PARD3B: variants seen among roughly 807,000 people sequenced by gnomAD.
The protein encoded by PARD3B is par-3 family cell polarity regulator beta, also known as partitioning defective 3 homolog B.
Under a neutral mutation model 130.2 loss-of-function variants are expected in PARD3B, and 103 were observed. That is an observed-to-expected ratio of 0.79 (90% CI 0.67 to 0.93). PARD3B has a LOEUF of 0.93. PARD3B is among the 40% of genes least tolerant of loss of function. PARD3B has a pLI of 0.00. For synonymous variants in PARD3B, 583 were observed against 553.2 expected (o/e 1.05, Z -0.76); for missense variants, 1,609 against 1,499.2 (o/e 1.07, Z -1.21).
At chr2:205,500,082 T>C (rs763245547) in intron 21 of PARD3B, 51 bp downstream of exon 21, 29 of 1,592,622 alleles carry the variant, frequency 1.8e-5, no homozygotes, top group Non-Finnish European at 2.5e-5. Context: ...CTAAGAATGT[T>C]TAGAGCAGAA....
intron 18 of PARD3B, among the ~76,000 whole-genome samples, chr2:205,305,191 A>G (rs1467133293): frequency 1.3e-5 from 2 of 152,174 alleles, no homozygotes; most frequent in African/African-American, 2.4e-5. Context: ...GAGGGACTTT[A>G]TCATTCCAGC....
Position 205,440,030 on chromosome 2 carries a change from G to A in PARD3B, c.2742-340G>A, listed in dbSNP as rs931152048. Reference sequence around the variant, plus strand: ...TCCCAAGAAAGGCTTCTATAATATCGAACCAAAGATGCACTGTTCCCACAA... The same window carrying A: ...TCCCAAGAAAGGCTTCTATAATATCAAACCAAAGATGCACTGTTCCCACAA... On this transcript the variant is annotated intron_variant, in intron 19 of 22. Coordinates refer to ENST00000406610, the MANE Select transcript of PARD3B (RefSeq NM_001302769.2). The surrounding 1 kb of genome is among the most constrained non-coding windows in gnomAD (Gnocchi z 4.2). 5.9e-5 allele frequency among the ~76,000 whole-genome samples: 9 copies of A among 152,020 alleles called. No homozygotes were observed. The South Asian group carries it at 8.3e-4, about 14-fold the overall frequency.
At chr2:204,811,822 A>T (rs531024895) in intron 2 of PARD3B, among the ~76,000 whole-genome samples, 1 of 152,290 alleles carries the variant, frequency 6.6e-6, no homozygotes, top group East Asian at 1.9e-4. Context: ...TAAAAAACAA[A>T]AAACAAAAAA....
At chr2:205,571,415 G>C (rs2053556818) in intron 22 of PARD3B, among the ~76,000 whole-genome samples, 1 of 152,202 alleles carries the variant, frequency 6.6e-6, no homozygotes, top group South Asian at 2.1e-4. Context: ...AATGCTGAAA[G>C]GCATTCTTAC....
chr2:205,098,037 A>G (rs979572859), intron 4 of PARD3B, among the ~76,000 whole-genome samples: 2 of 152,182 alleles, frequency 1.3e-5, no homozygotes, highest in African/African-American at 2.4e-5. Context: ...TGCTTATCAA[A>G]TACAGTTTGT....
intron 2 of PARD3B, among the ~76,000 whole-genome samples, chr2:204,925,942 C>G (rs1355912257): frequency 6.6e-6 from 1 of 152,084 alleles, no homozygotes; most frequent in Non-Finnish European, 1.5e-5. Context: ...TTCTTTCCTG[C>G]CTCCATATTC....
At position 205,158,764 on chromosome 2, in the gene PARD3B, G is replaced by A. The variant is rs758977626; in HGVS notation, c.1477G>A (p.Glu493Lys). The change falls in exon 11 of 23, where the codon GAG becomes AAG. Residue 493 changes from glutamate to lysine, a missense_variant. Glu to Lys is a moderately conservative substitution (Grantham distance 56). Coordinates refer to ENST00000406610, the MANE Select transcript of PARD3B (RefSeq NM_001302769.2). This position sits in a 1 kb window ranked among gnomAD's most constrained non-coding sequence, Gnocchi z 5.4. ...DCCALSLETS[E>K]QLTFEIPLND... is the part of the protein sequence containing the mutation. ...CTGTGCACTCTCTCTGGAGACAAGC[G>A]AGCAGCTCACCTTTGAGATCCCCCT... 4.3e-6 allele frequency: 7 copies of A among 1,614,012 alleles called. No individual in the cohort carries two copies. The highest frequency in any genetic ancestry group is 2.2e-5 in the East Asian group (1 of 44,896).
intron 2 of PARD3B, among the ~76,000 whole-genome samples, chr2:204,729,534 G>C (rs936474216): frequency 6.6e-6 from 1 of 152,106 alleles, no homozygotes; most frequent in Non-Finnish European, 1.5e-5. Context: ...CTTGAAATGT[G>C]ATACCGAGCA....
chr2:204,754,324 T>A (rs1465789859), intron 2 of PARD3B, among the ~76,000 whole-genome samples: 1 of 152,074 alleles, frequency 6.6e-6, no homozygotes, highest in Non-Finnish European at 1.5e-5. Flanking sequence ...TGTGTAATCA[T>A]GAATAATTAT....
intron 2 of PARD3B, among the ~76,000 whole-genome samples, chr2:204,833,075 G>A (rs981659816): frequency 1.2e-4 from 19 of 152,144 alleles, no homozygotes; most frequent in African/African-American, 4.1e-4. Flanking sequence ...ACTCTAGCTC[G>A]TTACCTAACA....
At chr2:205,185,528 T>A (rs2036046624) in intron 13 of PARD3B, among the ~76,000 whole-genome samples, 2 of 152,146 alleles carry the variant, frequency 1.3e-5, no homozygotes, top group African/African-American at 4.8e-5. Flanking sequence ...TGGAGTGGGT[T>A]TGCTAGGGGT....
intron 21 of PARD3B, among the ~76,000 whole-genome samples, chr2:205,501,661 T>C (rs1394800060): frequency 6.6e-6 from 1 of 152,218 alleles, no homozygotes; most frequent in Admixed American, 6.5e-5. Flanking sequence ...TGAATTCCTA[T>C]GAGCAAAATA....
intron 1 of PARD3B, among the ~76,000 whole-genome samples, chr2:204,577,190 G>T (rs1452454865): frequency 3.9e-4 from 60 of 152,082 alleles, no homozygotes; most frequent in Admixed American, 6.5e-5. Context: ...CATACTACAT[G>T]GCAGATGAGG....
intron 1 of PARD3B, among the ~76,000 whole-genome samples, chr2:204,640,959 G>C (rs2035056534): frequency 6.8e-6 from 1 of 146,960 alleles, no homozygotes; most frequent in African/African-American, 2.5e-5. Context: ...TATATTTACT[G>C]TATATATAAT....
intron 2 of PARD3B, among the ~76,000 whole-genome samples, chr2:204,852,173 T>TG (rs111941971): frequency 0.12 from 18,631 of 150,046 alleles, 1,580 homozygotes; most frequent in African/African-American, 0.23. Context: ...TGCCACAAGT[T>TG]TTTTTTTTTT....
intron 2 of PARD3B, among the ~76,000 whole-genome samples, chr2:204,732,812 T>C (rs2039574813): frequency 1.3e-5 from 2 of 152,188 alleles, no homozygotes; most frequent in African/African-American, 4.8e-5. Context: ...GTGAGGTTCA[T>C]TGTGAGGGTA....
intron 1 of PARD3B, among the ~76,000 whole-genome samples, chr2:204,611,816 GAAC>G (rs2033936999): frequency 6.7e-6 from 1 of 149,138 alleles, no homozygotes; most frequent in Middle Eastern, 3.6e-3. Flanking sequence ...TAGGGTATAG[GAAC>G]AACAACAACT....
intron 2 of PARD3B, among the ~76,000 whole-genome samples, chr2:204,828,960 G>C (rs1440022287): frequency 1.3e-5 from 2 of 152,158 alleles, no homozygotes; most frequent in Non-Finnish European, 2.9e-5. Context: ...GTGCATTCCA[G>C]CCTTCTGCAT....
intron 1 of PARD3B, among the ~76,000 whole-genome samples, chr2:204,612,849 A>G (rs1483555775): frequency 6.6e-6 from 1 of 151,366 alleles, no homozygotes; most frequent in East Asian, 2.0e-4. Flanking sequence ...TTTAATATTA[A>G]GACCTTTTCA....
Sources: allele counts gnomAD v4.1 joint callset (sites outside exome capture counted in the v4.1 genomes callset), GRCh38; gene constraint gnomAD v4.1.1; non-coding constraint Gnocchi (gnomAD v3.1); transcripts MANE v1.5; gene names NCBI Gene and HGNC (gene_info 2026-07-23, HGNC 2026-07-21).